Variants in GRXCR1 observed in about 807,000 individuals in gnomAD.
GRXCR1 encodes glutaredoxin and cysteine rich domain containing 1.
A neutral mutation model predicts 27.3 loss-of-function variants in GRXCR1; 27 were observed. That is an observed-to-expected ratio of 0.99 (90% CI 0.73 to 1.37). The LOEUF (loss-of-function observed/expected upper bound fraction) is 1.37, where lower values mean the gene tolerates loss of function less well. Ranked by LOEUF, GRXCR1 falls within the 40% of genes most tolerant of loss-of-function variation. The pLI, the probability that GRXCR1 is intolerant of heterozygous loss-of-function variation, is 0.00. For missense variants in GRXCR1, 379 were observed against 354.4 expected (o/e 1.07, Z -0.56); for synonymous variants, 122 against 131.1 (o/e 0.93, Z 0.47).
At position 42,920,473 on chromosome 4, in the gene GRXCR1, T is replaced by A. The variant is rs143069182; in HGVS notation, c.384+26823T>A. Among the ~76,000 whole-genome samples the A allele has an allele frequency of 7.6e-3, 1,159 of 152,188 alleles. 12 individuals are homozygous for A. The highest frequency in any genetic ancestry group is 0.027 in the African/African-American group (1,120 of 41,528). On this transcript the variant is annotated intron_variant, in intron 1 of 3. Transcript: ENST00000399770. Reference sequence around the variant, plus strand: ...ACGATATATAAGTTGAGACAATGTGTCACACAGAAATAGCAAATAGCATTG... The same window carrying A: ...ACGATATATAAGTTGAGACAATGTGACACACAGAAATAGCAAATAGCATTG...
At chr4:42,969,229 T>A (rs564828000) in intron 2 of GRXCR1, among the ~76,000 whole-genome samples, 5 of 152,338 alleles carry the variant, frequency 3.3e-5, no homozygotes, top group Admixed American at 2.0e-4. Context: ...CATGTGAAAG[T>A]ATTTAACATC....
At chr4:42,944,079 A>G (rs996390501) in intron 1 of GRXCR1, among the ~76,000 whole-genome samples, 5 of 152,114 alleles carry the variant, frequency 3.3e-5, no homozygotes, top group Admixed American at 1.3e-4. Flanking sequence ...CAGCAATAGG[A>G]ACAGAGCAAT....
chr4:42,894,252 A>C (rs984988514), intron 1 of GRXCR1, among the ~76,000 whole-genome samples: 2 of 152,124 alleles, frequency 1.3e-5, no homozygotes, highest in African/African-American at 4.8e-5. Context: ...ACAGACTGAG[A>C]TCTAGATTTT....
chr4:42,922,605 A>G (rs1560650438), intron 1 of GRXCR1, among the ~76,000 whole-genome samples: 1 of 152,066 alleles, frequency 6.6e-6, no homozygotes, highest in Non-Finnish European at 1.5e-5. Context: ...TTAGGGCAAG[A>G]ATGAAGTCCT....
intron 1 of GRXCR1, among the ~76,000 whole-genome samples, chr4:42,908,709 A>G (rs1746651599): frequency 6.6e-6 from 1 of 152,218 alleles, no homozygotes; most frequent in Admixed American, 6.5e-5. Context: ...GATTATCTGC[A>G]GACAACAAGG....
At chr4:42,935,170 T>A (rs907342424) in intron 1 of GRXCR1, among the ~76,000 whole-genome samples, 2 of 151,988 alleles carry the variant, frequency 1.3e-5, no homozygotes, top group Non-Finnish European at 2.9e-5. Context: ...ACATATTTTC[T>A]ACTTTCAAAG....
intron 3 of GRXCR1, among the ~76,000 whole-genome samples, chr4:43,029,972 C>CAA (rs10634016): frequency 0.07 from 10,674 of 152,154 alleles, 1,154 homozygotes; most frequent in African/African-American, 0.23. Context: ...ATTCTATAAA[C>CAA]AGACATGAAA....
chr4:43,006,603 C>T (rs796303462), intron 2 of GRXCR1, among the ~76,000 whole-genome samples: 1 of 152,164 alleles, frequency 6.6e-6, no homozygotes, highest in Non-Finnish European at 1.5e-5. Context: ...CAGTTGATCT[C>T]AAAACACTGT....
intron 1 of GRXCR1, among the ~76,000 whole-genome samples, chr4:42,942,599 T>A (rs1296889257): frequency 6.6e-6 from 1 of 152,136 alleles, no homozygotes; most frequent in African/African-American, 2.4e-5. Flanking sequence ...TTTCTGTGAT[T>A]TGCAATCTGC....
chr4:42,997,161 C>T (rs1328821560), intron 2 of GRXCR1, among the ~76,000 whole-genome samples: 2 of 151,656 alleles, frequency 1.3e-5, no homozygotes, highest in South Asian at 2.1e-4. Context: ...AGGTTATTAC[C>T]CATAGGTAAG....
At chr4:42,902,827 C>A (rs1746491156) in intron 1 of GRXCR1, among the ~76,000 whole-genome samples, 1 of 152,112 alleles carries the variant, frequency 6.6e-6, no homozygotes, top group East Asian at 1.9e-4. Context: ...TGCACATGTA[C>A]CCCTGAACTT....
At chr4:42,998,224 CT>C (rs968381412) in intron 2 of GRXCR1, among the ~76,000 whole-genome samples, 3 of 152,186 alleles carry the variant, frequency 2.0e-5, no homozygotes, top group Admixed American at 6.5e-5. Flanking sequence ...TTTCCTATCA[CT>C]TAACTCTGCT....
chr4:42,942,642 C>G (rs771564069), intron 1 of GRXCR1, among the ~76,000 whole-genome samples: 29 of 152,108 alleles, frequency 1.9e-4, no homozygotes, highest in Non-Finnish European at 3.8e-4. Flanking sequence ...GCTTCTTACT[C>G]CAGCAACAGG....
intron 2 of GRXCR1, among the ~76,000 whole-genome samples, chr4:42,991,749 C>T (rs1711981522): frequency 2.6e-5 from 4 of 151,876 alleles, no homozygotes; most frequent in Admixed American, 2.6e-4. Context: ...TGTTTATATA[C>T]TGTATGTATA....
intron 1 of GRXCR1, among the ~76,000 whole-genome samples, chr4:42,962,676 GA>G (rs1342191582): frequency 6.6e-6 from 1 of 151,838 alleles, no homozygotes; most frequent in African/African-American, 2.4e-5. Flanking sequence ...ATGCTACTGA[GA>G]AAAGGAAAAA....
At chr4:42,938,048 C>T (rs957562294) in intron 1 of GRXCR1, among the ~76,000 whole-genome samples, 29 of 151,960 alleles carry the variant, frequency 1.9e-4, no homozygotes, top group African/African-American at 7.0e-4. Context: ...TTTGTACTCA[C>T]TGACCATCCA....
At chr4:42,987,222 T>TATTATATATATATA (rs369022273) in intron 2 of GRXCR1, among the ~76,000 whole-genome samples, 1 of 100,594 alleles carries the variant, frequency 9.9e-6, no homozygotes. Context: ...TATATATATA[T>TATTATATATATATA]TATATATTAT....
intron 2 of GRXCR1, among the ~76,000 whole-genome samples, chr4:43,013,196 A>T (rs1031632052): frequency 3.9e-5 from 6 of 152,178 alleles, no homozygotes; most frequent in African/African-American, 1.2e-4. Context: ...CATTCTACCA[A>T]AAAGACACAT....
At chr4:42,953,419 G>A (rs1163695380) in intron 1 of GRXCR1, among the ~76,000 whole-genome samples, 1 of 152,102 alleles carries the variant, frequency 6.6e-6, no homozygotes, top group Non-Finnish European at 1.5e-5. Flanking sequence ...ACAGGACAAG[G>A]CTATGAGTAG....
Sources: allele counts gnomAD v4.1 joint callset (sites outside exome capture counted in the v4.1 genomes callset), GRCh38; gene constraint gnomAD v4.1.1; transcripts MANE v1.5; gene names NCBI Gene and HGNC (gene_info 2026-07-23, HGNC 2026-07-21).